CCDC63: variants seen among roughly 807,000 people sequenced by gnomAD.
CCDC63 encodes the protein coiled-coil domain-containing protein 63.
A neutral mutation model predicts 63.6 loss-of-function variants in CCDC63; 54 were observed. The ratio of observed to expected loss-of-function variants is 0.85; its 90% CI spans 0.68 to 1.07. The LOEUF is 1.07. Ranked by LOEUF, CCDC63 falls within the 50% of genes least tolerant of loss-of-function variation. The pLI is 0.00. For synonymous variants in CCDC63, 253 were observed against 266.1 expected, an observed-to-expected ratio of 0.95 and a Z score of 0.48; for missense variants, 637 against 689.6, an observed-to-expected ratio of 0.92 and a Z score of 0.86.
At chr12:110,888,815 TTCCTTC>T (rs1409604036) in intron 8 of CCDC63, among the ~76,000 whole-genome samples, 1 of 135,132 alleles carries the variant, frequency 7.4e-6, no homozygotes, top group Non-Finnish European at 1.5e-5. Context: ...CCTTCCTTCC[TTCCTTC>T]CTTCCTTCCT....
chr12:110,895,915 A>G (rs1471331741), intron 9 of CCDC63, among the ~76,000 whole-genome samples: 1 of 152,200 alleles, frequency 6.6e-6, no homozygotes, highest in Non-Finnish European at 1.5e-5. Flanking sequence ...TGAGCTTGGT[A>G]CAGGGAAGCT....
At chr12:110,906,866 A>G (rs2071594524) in intron 11 of CCDC63, among the ~76,000 whole-genome samples, 2 of 152,188 alleles carry the variant, frequency 1.3e-5, no homozygotes, top group South Asian at 4.1e-4. Flanking sequence ...TACTGTCTTC[A>G]CATCTGTTCA....
In CCDC63 at chr12:110,885,810, G is replaced by A. The variant is rs1465647022; in HGVS notation, c.1074+1560G>A. 3.3e-5 allele frequency among the ~76,000 whole-genome samples: 5 copies of A among 152,146 alleles called. No homozygotes were observed. In the East Asian group the frequency reaches 7.7e-4, roughly 23 times the overall value. On this transcript the variant is annotated intron_variant, in intron 8 of 11. Transcript: ENST00000308208. ...TTCCCAAATGTGGGGCATGCACGCT[G>A]GCCATGTGCAAACAGATTGCAGCTA...
At chr12:110,868,016 G>T (rs1487596680) in intron 4 of CCDC63, among the ~76,000 whole-genome samples, 3 of 147,838 alleles carry the variant, frequency 2.0e-5, no homozygotes, top group African/African-American at 7.6e-5. Context: ...CTTCTCAGAC[G>T]GGGCGGCCGG....
chr12:110,860,969 T>C (rs1274528341), intron 4 of CCDC63, among the ~76,000 whole-genome samples: 1 of 152,148 alleles, frequency 6.6e-6, no homozygotes, highest in Non-Finnish European at 1.5e-5. Context: ...CAGCTTCTGC[T>C]TCTGGGGAGG....
At chr12:110,904,505 C>A (rs942520934) in intron 10 of CCDC63, 83 bp from the exon 11 acceptor site, 1 of 1,193,010 alleles carries the variant, frequency 8.4e-7, no homozygotes, top group Non-Finnish European at 1.2e-6. Flanking sequence ...TCCTCCCCGC[C>A]CTCTGCAGTG....
At chr12:110,856,812 A>G (rs2070777404) in intron 3 of CCDC63, among the ~76,000 whole-genome samples, 1 of 150,330 alleles carries the variant, frequency 6.7e-6, no homozygotes, top group African/African-American at 2.4e-5. Flanking sequence ...CCGGTTTGCC[A>G]ACTCCTGTCC....
At chr12:110,888,057 A>C (rs547754458) in intron 8 of CCDC63, among the ~76,000 whole-genome samples, 8 of 152,322 alleles carry the variant, frequency 5.3e-5, no homozygotes, top group Admixed American at 2.6e-4. Flanking sequence ...TCCCGCGGGA[A>C]TCCGAGTTCC....
At chr12:110,861,189 C>G (rs753493321) in intron 4 of CCDC63, among the ~76,000 whole-genome samples, 1 of 152,190 alleles carries the variant, frequency 6.6e-6, no homozygotes, top group African/African-American at 2.4e-5. Flanking sequence ...TTGTCTCCCC[C>G]AGGTCCCTCC....
Position 110,905,840 on chromosome 12 carries a change from GTA to G in CCDC63, c.1546+1057_1546+1058del, listed in dbSNP as rs200560176. On this transcript the variant is annotated intron_variant, in intron 11 of 11. Coordinates refer to ENST00000308208, the MANE Select transcript of CCDC63 (RefSeq NM_152591.3). ...TGCGTGTGTACACACACACGTGTATGTATATATATGTGTGTGTGTATGTGTAT... is the reference window on the plus strand; with the variant it reads ...TGCGTGTGTACACACACACGTGTATGTATATATGTGTGTGTGTATGTGTAT... Among the ~76,000 whole-genome samples the G allele has an allele frequency of 8.1e-3, 933 of 114,758 alleles. 8 individuals are homozygous for G. The highest frequency in any genetic ancestry group is 0.011 in the Non-Finnish European group (657 of 58,320). 75.3% of individuals were successfully genotyped at this position (114,758 alleles called of 152,430 possible).
At chr12:110,880,790 G>A (rs369053152) in intron 6 of CCDC63, among the ~76,000 whole-genome samples, 1 of 16,444 alleles carries the variant, frequency 6.1e-5, no homozygotes, top group East Asian at 1.8e-3. Context: ...TGGTGGTGAT[G>A]ATGATGGTGA....
intron 5 of CCDC63, among the ~76,000 whole-genome samples, chr12:110,877,851 TGCCC>T (rs2071151275): frequency 2.0e-5 from 3 of 151,548 alleles, no homozygotes; most frequent in Admixed American, 6.6e-5. Context: ...GGATTACAGG[TGCCC>T]ACCAACATGC....
chr12:110,880,238 C>A (rs1223051745), intron 6 of CCDC63, 151 bp downstream of exon 6: 1 of 684,366 alleles, frequency 1.5e-6, no homozygotes. Flanking sequence ...GACTGTGTGC[C>A]AGGCATGATG....
chr12:110,887,738 A>G (rs902027124), intron 8 of CCDC63, among the ~76,000 whole-genome samples: 1 of 151,928 alleles, frequency 6.6e-6, no homozygotes, highest in Non-Finnish European at 1.5e-5. Context: ...TGCTGGGACT[A>G]CAGGCGCGCG....
intron 8 of CCDC63, among the ~76,000 whole-genome samples, chr12:110,890,773 C>CTTTTTTT (rs769120162): frequency 4.1e-3 from 408 of 98,332 alleles, no homozygotes; most frequent in African/African-American, 7.9e-3. Flanking sequence ...TCCTCCTTTT[C>CTTTTTTT]TTTTTTTTTT....
At chr12:110,848,754 G>GAATGGGGATACCCACA (rs2070670801) in intron 1 of CCDC63, among the ~76,000 whole-genome samples, 1 of 152,216 alleles carries the variant, frequency 6.6e-6, no homozygotes, top group African/African-American at 2.4e-5. Flanking sequence ...GGAAACTGAA[G>GAATGGGGATACCCACA]CTCAGAGAGG....
intron 10 of CCDC63, among the ~76,000 whole-genome samples, chr12:110,902,222 C>T (rs2071497809): frequency 6.6e-6 from 1 of 152,188 alleles, no homozygotes; most frequent in Admixed American, 6.5e-5. Context: ...GATGCCAGCC[C>T]AAGCCTGACC....
At chr12:110,873,987 T>C in intron 5 of CCDC63, 26 bp downstream of exon 5, 1 of 1,596,796 alleles carries the variant, frequency 6.3e-7, no homozygotes, top group Non-Finnish European at 8.5e-7. Context: ...TCTGCAGCTC[T>C]GCAAACAGCT....
At chr12:110,856,664 C>T (rs1005950667) in intron 3 of CCDC63, among the ~76,000 whole-genome samples, 1 of 64,834 alleles carries the variant, frequency 1.5e-5, no homozygotes, top group African/African-American at 7.5e-5. Flanking sequence ...CTATGGGCCC[C>T]TCAGAGAACA....
Sources: gnomAD v4.1 joint callset for allele counts (sites outside exome capture counted in the v4.1 genomes callset) on GRCh38, gnomAD v4.1.1 for gene constraint, MANE v1.5 for transcripts, NCBI Gene and HGNC (gene_info 2026-07-23, HGNC 2026-07-21) for gene names.